The following L3MBTL4 variants were observed in gnomAD, a reference collection of about 807,000 sequenced individuals.
The protein encoded by L3MBTL4 is L3MBTL histone methyl-lysine binding protein 4.
A neutral mutation model predicts 84.5 loss-of-function variants in L3MBTL4; 70 were observed. That is an observed-to-expected ratio of 0.83 (90% CI 0.68 to 1.01). The LOEUF is 1.01. L3MBTL4 is among the 50% of genes least tolerant of loss of function. The pLI is 0.00. For missense variants in L3MBTL4, 715 were observed against 754.8 expected (o/e 0.95, Z 0.62); for synonymous variants, 274 against 259.8 (o/e 1.05, Z -0.52).
At chr18:6,331,584 C>A (rs1295998625) in intron 1 of L3MBTL4, among the ~76,000 whole-genome samples, 1 of 151,888 alleles carries the variant, frequency 6.6e-6, no homozygotes, top group African/African-American at 2.4e-5. Context: ...GCATGAATAC[C>A]CTAGACATTT....
chr18:5,964,183 T>C (rs2052213338), intron 17 of L3MBTL4, among the ~76,000 whole-genome samples: 2 of 152,238 alleles, frequency 1.3e-5, no homozygotes, highest in South Asian at 4.1e-4. Context: ...CCTGTTTTGT[T>C]TTGGAAGGAC....
intron 5 of L3MBTL4, among the ~76,000 whole-genome samples, chr18:6,248,511 C>G (rs1171453479): frequency 6.6e-6 from 1 of 152,172 alleles, no homozygotes; most frequent in Admixed American, 6.5e-5. Context: ...GCAAAAGTTA[C>G]TCAAAAATGT....
chr18:6,338,056 T>G (rs1189708044), intron 1 of L3MBTL4, among the ~76,000 whole-genome samples: 1 of 151,982 alleles, frequency 6.6e-6, no homozygotes, highest in Non-Finnish European at 1.5e-5. Flanking sequence ...AAGAATTTTA[T>G]AACAATGAAT....
chr18:6,045,517 G>A (rs1317711383), intron 16 of L3MBTL4, among the ~76,000 whole-genome samples: 8 of 152,162 alleles, frequency 5.3e-5, no homozygotes, highest in African/African-American at 1.9e-4. Flanking sequence ...AAGGCAAGGA[G>A]GAGCAAGTCA....
rs569056426 is a variant in L3MBTL4, at chr18:6,369,850, C to T, written c.-91+44951G>A. On this transcript the variant is annotated intron_variant, in intron 1 of 18. Transcript: ENST00000317931. ...AGTAAAATGCCTTATAAAGAAAGCA[C>T]CAGTGGGGCACAGTGGCTCACGCCT... is the stretch of plus-strand genomic sequence containing the variant. Among the ~76,000 whole-genome samples the T allele has an allele frequency of 4.6e-5, 7 of 152,196 alleles. No homozygotes were observed. The South Asian group carries it at 1.2e-3, about 27-fold the overall frequency.
intron 16 of L3MBTL4, among the ~76,000 whole-genome samples, chr18:5,985,614 C>T (rs1264018245): frequency 2.0e-5 from 3 of 152,090 alleles, no homozygotes; most frequent in Admixed American, 1.3e-4. Context: ...GTTATATTCC[C>T]GAAGGATGTT....
At chr18:6,181,325 C>CT (rs1232208766) in intron 12 of L3MBTL4, among the ~76,000 whole-genome samples, 109 of 150,796 alleles carry the variant, frequency 7.2e-4, no homozygotes, top group Middle Eastern at 3.4e-3. Context: ...AGTTTTTCTT[C>CT]TTTTTTTTTG....
intron 14 of L3MBTL4, among the ~76,000 whole-genome samples, chr18:6,116,075 C>T (rs2059350433): frequency 1.3e-5 from 2 of 152,148 alleles, no homozygotes; most frequent in Admixed American, 1.3e-4. Flanking sequence ...AAGGCAAGAT[C>T]ATAGAAAGCT....
At chr18:6,296,816 C>T (rs2050126658) in intron 4 of L3MBTL4, among the ~76,000 whole-genome samples, 3 of 151,998 alleles carry the variant, frequency 2.0e-5, no homozygotes, top group South Asian at 2.1e-4. Flanking sequence ...GGTGGGGAGA[C>T]ATTATTTGAG....
intron 12 of L3MBTL4, among the ~76,000 whole-genome samples, chr18:6,174,839 C>CA (rs2044151137): frequency 6.7e-6 from 1 of 148,822 alleles, no homozygotes; most frequent in South Asian, 2.1e-4. Context: ...CTGCACTCAG[C>CA]CTGGGTGACA....
At chr18:6,007,902 C>T (rs1035281557) in intron 16 of L3MBTL4, among the ~76,000 whole-genome samples, 5 of 152,072 alleles carry the variant, frequency 3.3e-5, no homozygotes, top group South Asian at 2.1e-4. Context: ...TGTTAAAAAA[C>T]GGTGAGGGTA....
intron 4 of L3MBTL4, among the ~76,000 whole-genome samples, chr18:6,289,371 T>C (rs2049741650): frequency 1.3e-5 from 2 of 152,206 alleles, no homozygotes; most frequent in African/African-American, 4.8e-5. Flanking sequence ...ATCTGCTCTT[T>C]AAAAAATTAC....
intron 4 of L3MBTL4, among the ~76,000 whole-genome samples, chr18:6,274,584 G>A (rs779253572): frequency 6.6e-6 from 1 of 152,226 alleles, no homozygotes; most frequent in Non-Finnish European, 1.5e-5. Context: ...GTACTGTGAA[G>A]CCAGTGGATG....
At chr18:6,144,196 CAAAA>C (rs35746580) in intron 13 of L3MBTL4, among the ~76,000 whole-genome samples, 25 of 58,080 alleles carry the variant, frequency 4.3e-4, no homozygotes, top group Admixed American at 1.2e-3. Flanking sequence ...ACTCCATCTC[CAAAA>C]AAAAAAAAAA....
chr18:6,069,355 G>A (rs1440136980), intron 16 of L3MBTL4, among the ~76,000 whole-genome samples: 1 of 152,166 alleles, frequency 6.6e-6, no homozygotes, highest in African/African-American at 2.4e-5. Context: ...GCCACGAGGT[G>A]GCATTTGCAA....
intron 16 of L3MBTL4, among the ~76,000 whole-genome samples, chr18:6,035,609 T>C (rs935486806): frequency 1.3e-5 from 2 of 152,348 alleles, no homozygotes; most frequent in South Asian, 2.1e-4. Flanking sequence ...TTCTTTTGGC[T>C]TAGGATTGAC....
At chr18:6,296,022 A>G (rs977636137) in intron 4 of L3MBTL4, among the ~76,000 whole-genome samples, 3 of 152,234 alleles carry the variant, frequency 2.0e-5, no homozygotes, top group African/African-American at 7.2e-5. Context: ...ATTCTCAGGT[A>G]AGGAATTACC....
chr18:6,040,843 ACT>A (rs888992957), intron 16 of L3MBTL4, among the ~76,000 whole-genome samples: 4 of 151,962 alleles, frequency 2.6e-5, no homozygotes, highest in African/African-American at 9.7e-5. Flanking sequence ...TCTGCTCTCC[ACT>A]CTCAGTTGTA....
At chr18:6,026,608 C>T (rs982561903) in intron 16 of L3MBTL4, among the ~76,000 whole-genome samples, 1 of 152,162 alleles carries the variant, frequency 6.6e-6, no homozygotes, top group African/African-American at 2.4e-5. Context: ...TCATGAACAC[C>T]TATTCAATTT....
Sources: gnomAD v4.1 joint callset for allele counts (sites outside exome capture counted in the v4.1 genomes callset) on GRCh38, gnomAD v4.1.1 for gene constraint, MANE v1.5 for transcripts, NCBI Gene and HGNC (gene_info 2026-07-23, HGNC 2026-07-21) for gene names.